The following NR1I2 variants were observed in gnomAD, a reference collection of about 807,000 sequenced individuals.
The protein encoded by NR1I2 is nuclear receptor subfamily 1 group I member 2, also known as orphan nuclear receptor PAR1.
Under a neutral mutation model 43.3 loss-of-function variants are expected in NR1I2, and 42 were observed. The ratio of observed to expected loss-of-function variants is 0.97; its 90% CI spans 0.76 to 1.26. The LOEUF (loss-of-function observed/expected upper bound fraction) is 1.26, where lower values mean the gene tolerates loss of function less well. Among genes scored for constraint, NR1I2 ranks in the 50% most tolerant of loss-of-function variants. NR1I2 has a pLI of 0.00. For missense variants in NR1I2, 559 were observed against 566.7 expected (o/e 0.99, Z 0.14); for synonymous variants, 229 against 215.0 (o/e 1.06, Z -0.57).
At chr3:119,808,325 A>G (rs898306304) in intron 2 of NR1I2, among the ~76,000 whole-genome samples, 1 of 152,218 alleles carries the variant, frequency 6.6e-6, no homozygotes, top group Non-Finnish European at 1.5e-5. Context: ...GGCAGGAATC[A>G]TTATGTTCAG....
At chr3:119,798,735 A>G (rs989465319) in intron 1 of NR1I2, among the ~76,000 whole-genome samples, 2 of 152,138 alleles carry the variant, frequency 1.3e-5, no homozygotes, top group African/African-American at 2.4e-5. Flanking sequence ...GCAACCACGA[A>G]TCTACTTTCT....
rs776291015 is a variant in NR1I2, at chr3:119,815,429, CTT to C, written c.1045_1046del (p.Phe349LeufsTer29). On this transcript the variant is annotated frameshift_variant, in exon 7 of 9. Coordinates refer to ENST00000393716, the MANE Select transcript of NR1I2 (RefSeq NM_003889.4). LOFTEE classifies it high-confidence loss of function. ...ATGTGCTGATGCAGGCCATCTCCCT[CTT>C]CTCCCCAGGTGAGGATCTCCCCTAG... is the stretch of plus-strand genomic sequence containing the variant. The C allele has an allele frequency of 6.2e-7, 1 of 1,612,064 alleles. No individual in the cohort carries two copies. The highest frequency in any genetic ancestry group is 1.3e-5 in the African/African-American group (1 of 74,880).
chr3:119,805,715 AC>A lies in NR1I2; in HGVS notation c.-22-1512del, dbSNP rs1291668496. Among the ~76,000 whole-genome samples the A allele has an allele frequency of 1.6e-4, 14 of 86,086 alleles. 2 individuals are homozygous for A. Among genetic ancestry groups the A allele is most frequent in the East Asian group, 1.1e-3 (3 of 2,758 alleles). 56.5% of individuals were successfully genotyped at this position (86,086 alleles called of 152,430 possible). ...AAGACTTGGTCCCCCCCTCCCCCCC[AC>A]CAAAAAAAAAAGAAAAGAAAAGAAA... On this transcript the variant is annotated intron_variant, in intron 1 of 8. Transcript: ENST00000393716.
In NR1I2 at chr3:119,818,249, C is replaced by A; in HGVS notation, c.*1037C>A. On this transcript the variant is annotated 3_prime_UTR_variant, in exon 9 of 9. Transcript: ENST00000393716. ...TACGCTGACAATCAGTTAAACACAC[C>A]GGAGAAGAACCATTTACATGCACCT... 2.0e-6 allele frequency: 2 copies of A among 985,492 alleles called. No homozygotes were observed. The highest frequency in any genetic ancestry group is 2.4e-6 in the Non-Finnish European group (2 of 829,936). 61.0% of individuals were successfully genotyped at this position (985,492 alleles called of 1,614,324 possible). A position where few individuals can be genotyped will look rare whatever the true frequency, so the allele number is the denominator to read the frequency against.
chr3:119,793,090 C>T (rs969161267), intron 1 of NR1I2, among the ~76,000 whole-genome samples: 1 of 152,146 alleles, frequency 6.6e-6, no homozygotes, highest in African/African-American at 2.4e-5. Context: ...GACATGCCGG[C>T]TCGCACTTCA....
chr3:119,814,923 C>CG, intron 5 of NR1I2, 56 bp from the exon 6 acceptor site: 1 of 1,611,104 alleles, frequency 6.2e-7, no homozygotes, highest in Non-Finnish European at 8.5e-7. Flanking sequence ...CTGCTGGTGC[C>CG]GGTCTGTGGG....
intron 1 of NR1I2, among the ~76,000 whole-genome samples, chr3:119,802,539 TG>T (rs2055095836): frequency 6.6e-6 from 1 of 152,210 alleles, no homozygotes; most frequent in African/African-American, 2.4e-5. Flanking sequence ...TCACAATTGA[TG>T]TGCAGAATCT....
At chr3:119,782,531 C>A (rs1445213013) in intron 1 of NR1I2, among the ~76,000 whole-genome samples, 3 of 142,394 alleles carry the variant, frequency 2.1e-5, no homozygotes, top group African/African-American at 7.6e-5. Flanking sequence ...CCTGCACTAG[C>A]CTCCTAGAAA....
chr3:119,806,967 T>C (rs1014763578), intron 1 of NR1I2, among the ~76,000 whole-genome samples: 1 of 152,184 alleles, frequency 6.6e-6, no homozygotes, highest in African/African-American at 2.4e-5. Context: ...CATTTCTTCC[T>C]CCCTCTTACC....
intron 1 of NR1I2, among the ~76,000 whole-genome samples, chr3:119,794,396 G>A (rs1463658702): frequency 6.6e-6 from 1 of 150,884 alleles, no homozygotes; most frequent in African/African-American, 2.4e-5. Context: ...ATCTCACCAT[G>A]TCACCCAGGC....
At chr3:119,791,801 AG>A in intron 1 of NR1I2, 1 of 478,470 alleles carries the variant, frequency 2.1e-6, no homozygotes, top group Non-Finnish European at 4.1e-6. Context: ...CAGGTGTGAG[AG>A]GGTTCAACAG....
intron 1 of NR1I2, among the ~76,000 whole-genome samples, chr3:119,797,470 C>T (rs540773509): frequency 3.9e-5 from 6 of 152,008 alleles, no homozygotes; most frequent in East Asian, 3.9e-4. Context: ...ATTCAGCTAT[C>T]GGACTCTTAC....
intron 1 of NR1I2, among the ~76,000 whole-genome samples, chr3:119,795,038 C>T (rs2054977928): frequency 6.6e-6 from 1 of 152,186 alleles, no homozygotes; most frequent in African/African-American, 2.4e-5. Context: ...TAAAGGGCAC[C>T]TCTACTTGCC....
At chr3:119,782,623 G>T in intron 1 of NR1I2, 1 of 674,426 alleles carries the variant, frequency 1.5e-6, no homozygotes, top group Non-Finnish European at 2.7e-6. Context: ...CAGGGCTGGA[G>T]TCCCTGGACC....
chr3:119,810,545 C>G, intron 3 of NR1I2: 1 of 299,162 alleles, frequency 3.3e-6, no homozygotes, highest in Non-Finnish European at 6.3e-6. Context: ...GAGTGTGAAT[C>G]TGGGGGAGGG....
chr3:119,799,021 T>C (rs1283920465), intron 1 of NR1I2, among the ~76,000 whole-genome samples: 1 of 152,206 alleles, frequency 6.6e-6, no homozygotes, highest in Non-Finnish European at 1.5e-5. Context: ...GCAGTTTTTG[T>C]GTGTGGGCAT....
chr3:119,810,524 T>G, intron 3 of NR1I2: 1 of 341,030 alleles, frequency 2.9e-6, no homozygotes, highest in African/African-American at 2.1e-5. Context: ...TGAAACCACA[T>G]TTGCGGGTAG....
At position 119,805,307 on chromosome 3, in the gene NR1I2, C is replaced by T. The variant is rs561648504; in HGVS notation, c.-22-1922C>T. On this transcript the variant is annotated intron_variant, in intron 1 of 8. Coordinates refer to ENST00000393716, the MANE Select transcript of NR1I2 (RefSeq NM_003889.4). ...ATCATGCTGTGCCAGTCTTTTCATT[C>T]ATGACTTCTGAGTATTTGCTCATAT... 5.5e-4 allele frequency among the ~76,000 whole-genome samples: 83 copies of T among 152,178 alleles called. No homozygotes were observed. In the Middle Eastern group the frequency reaches 0.01, roughly 19 times the overall value.
chr3:119,813,096 G>C, intron 5 of NR1I2, 136 bp downstream of exon 5: 1 of 1,011,510 alleles, frequency 9.9e-7, no homozygotes. Context: ...CCCTTTCCCC[G>C]GGCAGCCAGT....
Sources: allele counts gnomAD v4.1 joint callset (sites outside exome capture counted in the v4.1 genomes callset), GRCh38; gene constraint gnomAD v4.1.1; transcripts MANE v1.5; gene names NCBI Gene and HGNC (gene_info 2026-07-23, HGNC 2026-07-21).